GALM: variants seen among roughly 807,000 people sequenced by gnomAD.
GALM encodes galactose mutarotase, also known as aldose 1-epimerase.
In GALM, 43 loss-of-function variants were observed where a neutral mutation model predicts 37.4. The observed-to-expected ratio is 1.15, with a 90% confidence interval of 0.90 to 1.48. The LOEUF (loss-of-function observed/expected upper bound fraction) is 1.48. GALM is among the 40% of genes most tolerant of loss of function. GALM has a pLI of 0.00. For missense variants in GALM, 456 were observed against 419.1 expected, an observed-to-expected ratio of 1.09 and a Z score of -0.77; for synonymous variants, 199 against 170.6, an observed-to-expected ratio of 1.17 and a Z score of -1.30.
chr2:38,724,429 G>A (rs916275796), intron 4 of GALM, among the ~76,000 whole-genome samples: 11 of 152,148 alleles, frequency 7.2e-5, no homozygotes, highest in East Asian at 1.9e-4. Flanking sequence ...ATTCTTGAAC[G>A]ATCAATTGGA....
chr2:38,691,371 T>C (rs1665667881), intron 4 of GALM, among the ~76,000 whole-genome samples: 2 of 152,172 alleles, frequency 1.3e-5, no homozygotes, highest in Admixed American at 1.3e-4. Flanking sequence ...ACATGCACTC[T>C]AATGGACTGC....
chr2:38,695,779 C>T (rs1372375773), intron 4 of GALM, among the ~76,000 whole-genome samples: 3 of 152,010 alleles, frequency 2.0e-5, no homozygotes, highest in African/African-American at 7.2e-5. Flanking sequence ...CTGCAGCAAC[C>T]TCCACCTCCC....
chr2:38,666,925 C>G (rs1336164086), intron 1 of GALM, among the ~76,000 whole-genome samples: 1 of 152,214 alleles, frequency 6.6e-6, no homozygotes, highest in East Asian at 1.9e-4. Flanking sequence ...GAGATCAGGT[C>G]TCCTACCAAC....
Position 38,682,591 on chromosome 2 carries a change from T to C in GALM, c.552+1105T>C, listed in dbSNP as rs1048922828. Among the ~76,000 whole-genome samples the C allele has an allele frequency of 3.9e-5, 6 of 152,228 alleles. 1 individual carries two copies. In the East Asian group the frequency reaches 9.6e-4, roughly 24 times the overall value. Reference sequence around the variant, plus strand: ...TCCTTATCCTCAGGAACTTTCACCATCCTTCTTGAAATCTTAAAAACAAGG... The same window carrying C: ...TCCTTATCCTCAGGAACTTTCACCACCCTTCTTGAAATCTTAAAAACAAGG... On this transcript the variant is annotated intron_variant, in intron 3 of 6. Transcript: ENST00000272252.
chr2:38,719,688 C>T (rs1333154427), intron 4 of GALM, among the ~76,000 whole-genome samples: 3 of 148,658 alleles, frequency 2.0e-5, no homozygotes, highest in Non-Finnish European at 4.4e-5. Context: ...GCAGGAGAAT[C>T]GCTTCAACCC....
chr2:38,717,776 T>C (rs1311495957), intron 4 of GALM, among the ~76,000 whole-genome samples: 5 of 149,968 alleles, frequency 3.3e-5, no homozygotes, highest in South Asian at 2.3e-4. Context: ...AGTAAGTCCA[T>C]GTGAGCCCTA....
At position 38,726,473 on chromosome 2, in the gene GALM, G is replaced by A. The variant is rs188232803; in HGVS notation, c.635-3083G>A. Among the ~76,000 whole-genome samples the A allele has an allele frequency of 4.8e-3, 728 of 151,554 alleles. 29 individuals are homozygous for A. The South Asian group carries it at 0.07, about 15-fold the overall frequency. ...GATCTCCTGACCTCGTGATCCGCCC[G>A]CCTCGGCCTGCCAACGTGCTGGGAT... On this transcript the variant is annotated intron_variant, in intron 4 of 6. Coordinates refer to ENST00000272252, the MANE Select transcript of GALM (RefSeq NM_138801.3).
intron 3 of GALM, among the ~76,000 whole-genome samples, chr2:38,681,806 C>G (rs1231299177): frequency 6.6e-6 from 1 of 152,212 alleles, no homozygotes; most frequent in Non-Finnish European, 1.5e-5. Context: ...ACGTCTACTC[C>G]CTGCAAATTT....
At chr2:38,684,194 T>C (rs1321933659) in intron 3 of GALM, among the ~76,000 whole-genome samples, 2 of 152,212 alleles carry the variant, frequency 1.3e-5, no homozygotes, top group Non-Finnish European at 2.9e-5. Flanking sequence ...TTTTGTTCTA[T>C]TTGGGCCCAA....
At chr2:38,729,775 G>A (rs1666562553) in intron 5 of GALM, 78 bp downstream of exon 5, 1 of 1,234,542 alleles carries the variant, frequency 8.1e-7, no homozygotes, top group Non-Finnish European at 1.2e-6. Flanking sequence ...CTTTTCCTCT[G>A]GCCATATCAA....
intron 4 of GALM, among the ~76,000 whole-genome samples, chr2:38,691,736 T>A (rs1665677923): frequency 6.6e-6 from 1 of 151,496 alleles, no homozygotes; most frequent in Non-Finnish European, 1.5e-5. Context: ...TTTTTTTTTT[T>A]TTTAAAAAAG....
chr2:38,687,619 G>T (rs1439123905), intron 3 of GALM, among the ~76,000 whole-genome samples: 1 of 151,770 alleles, frequency 6.6e-6, no homozygotes, highest in African/African-American at 2.4e-5. Flanking sequence ...GCTAAGGCAG[G>T]AGAATTGCTT....
At chr2:38,713,681 A>C (rs1278317116) in intron 4 of GALM, among the ~76,000 whole-genome samples, 1 of 152,140 alleles carries the variant, frequency 6.6e-6, no homozygotes, top group Non-Finnish European at 1.5e-5. Flanking sequence ...AGACAGAAGG[A>C]TTGCTTGAGC....
At chr2:38,682,684 G>A (rs1665424861) in intron 3 of GALM, among the ~76,000 whole-genome samples, 1 of 152,076 alleles carries the variant, frequency 6.6e-6, no homozygotes. Context: ...ATCACCTGAG[G>A]TTAGGAGTTT....
chr2:38,692,627 G>A (rs1665704256), intron 4 of GALM, among the ~76,000 whole-genome samples: 1 of 152,170 alleles, frequency 6.6e-6, no homozygotes. Context: ...CCCATCATTT[G>A]ATCACTCAGA....
At chr2:38,710,613 C>T (rs1232720569) in intron 4 of GALM, among the ~76,000 whole-genome samples, 1 of 152,156 alleles carries the variant, frequency 6.6e-6, no homozygotes, top group East Asian at 1.9e-4. Context: ...CTATGTTGCC[C>T]AGGCTGGTCT....
chr2:38,681,254 A>G (rs1665386807), intron 2 of GALM, 26 bp from the exon 3 acceptor site: 3 of 1,594,366 alleles, frequency 1.9e-6, no homozygotes, highest in Non-Finnish European at 2.6e-6. Flanking sequence ...GAGCAACTAC[A>G]CAACTTTGAA....
intron 4 of GALM, among the ~76,000 whole-genome samples, chr2:38,694,948 T>C (rs1210926420): frequency 6.7e-6 from 1 of 149,356 alleles, no homozygotes; most frequent in Admixed American, 6.7e-5. Context: ...GAAAGTCACC[T>C]CAGGTGTCAT....
chr2:38,685,134 A>C lies in GALM; in HGVS notation c.552+3648A>C, dbSNP rs116792822. Among the ~76,000 whole-genome samples the C allele has an allele frequency of 8.6e-3, 1,311 of 152,296 alleles. 16 individuals carry two copies. Among genetic ancestry groups the C allele is most frequent in the African/African-American group, 0.03 (1,242 of 41,564 alleles). On this transcript the variant is annotated intron_variant, in intron 3 of 6. Coordinates refer to ENST00000272252, the MANE Select transcript of GALM (RefSeq NM_138801.3). ...GCAATGCTTTTCCTAGAAGCCCTCC[A>C]GCCAACTTTCTCTGATTTCTCATTG...
Sources: gnomAD v4.1 joint callset for allele counts (sites outside exome capture counted in the v4.1 genomes callset) on GRCh38, gnomAD v4.1.1 for gene constraint, MANE v1.5 for transcripts, NCBI Gene and HGNC (gene_info 2026-07-23, HGNC 2026-07-21) for gene names.